INTS3: variants seen among roughly 807,000 people sequenced by gnomAD.
INTS3 encodes the protein integrator complex subunit 3.
Under a neutral mutation model 146.3 loss-of-function variants are expected in INTS3, and 34 were observed. The observed-to-expected ratio is 0.23, with a 90% CI of 0.18 to 0.31. The LOEUF (loss-of-function observed/expected upper bound fraction) is 0.31. Among genes scored for constraint, INTS3 ranks in the 10% least tolerant of loss-of-function variants. INTS3 has a pLI of 1.00. For missense variants in INTS3, 757 were observed against 1,304.2 expected (o/e 0.58, Z 6.46); for synonymous variants, 475 against 494.9 (o/e 0.96, Z 0.53).
At chr1:153,731,033 A>G (rs747247073) in intron 1 of INTS3, among the ~76,000 whole-genome samples, 1 of 152,000 alleles carries the variant, frequency 6.6e-6, no homozygotes, top group Non-Finnish European at 1.5e-5. Context: ...AGACCTACCT[A>G]TTGCCCAGGA....
intron 20 of INTS3, among the ~76,000 whole-genome samples, chr1:153,766,115 C>CTTTTTTTTTTT (rs542483679): frequency 1.4e-4 from 12 of 84,630 alleles, no homozygotes; most frequent in Non-Finnish European, 1.9e-4. Flanking sequence ...TTTTCTTTCT[C>CTTTTTTTTTTT]TTTTTTTTTT....
In INTS3 at chr1:153,751,012, T is replaced by C; in HGVS notation, c.585-83T>C. On this transcript the variant is annotated intron_variant, in intron 6 of 29. Transcript: ENST00000318967. The stretch of plus-strand genomic sequence containing the variant: ...AAATCATCAATTATTTCTGAGGCAC[T>C]GTAGCCAAGCCCAAGAAGCGTGAAT... 4.2e-6 allele frequency: 6 copies of C among 1,426,428 alleles called. No individual in the cohort carries two copies. In the South Asian group the frequency reaches 5.3e-5, roughly 13 times the overall value. The allele number at this position is 1,426,428 out of a possible 1,614,324, so 88.4% of individuals were successfully genotyped here.
Position 153,764,045 on chromosome 1 carries a change from C to G in INTS3, c.1822-73C>G, listed in dbSNP as rs200676272. On this transcript the variant is annotated intron_variant, in intron 17 of 29. Transcript: ENST00000318967. ...CCTGGAGGTGGAAGCAGATGAGTTC[C>G]AAGACTGGGATCGTGGGGGCAGGAG... 204 of 1,379,616 alleles carry G rather than the reference C, an allele frequency of 1.5e-4. 3 individuals carry two copies. The East Asian group carries it at 4.4e-3, about 30-fold the overall frequency. The allele number at this position is 1,379,616 out of a possible 1,614,324, so 85.5% of individuals were successfully genotyped here.
Position 153,728,668 on chromosome 1 carries a change from G to A in INTS3, c.34G>A (p.Ala12Thr). ...ELQKGKGAAA[A>T]AAASGAAGGG... ...GCAGAAGGGAAAAGGGGCGGCAGCA[G>A]CAGCAGCTGCTTCGGGAGCAGCGGG... Residue 12 changes from alanine (A) to threonine (T), a missense_variant, in exon 1 of 30, where the codon GCA becomes ACA. This residue lies in a region of INTS3 where 160 missense variants were observed against 193.7 expected (regional missense o/e 0.83). Transcript: ENST00000318967. 6.2e-7 allele frequency: 1 copy of A among 1,605,642 alleles called. No homozygotes were observed. The highest frequency in any genetic ancestry group is 8.5e-7 in the Non-Finnish European group (1 of 1,177,420).
intron 1 of INTS3, among the ~76,000 whole-genome samples, chr1:153,729,620 C>T (rs1255143767): frequency 1.3e-5 from 2 of 152,170 alleles, no homozygotes; most frequent in African/African-American, 2.4e-5. Flanking sequence ...GTAATCCCAG[C>T]ACTTTGAGAG....
chr1:153,748,043 G>A (rs1405797448), intron 5 of INTS3: 4 of 156,362 alleles, frequency 2.6e-5, no homozygotes, highest in African/African-American at 9.6e-5. Flanking sequence ...CTTAATCTAT[G>A]TGATATGTGA....
At chr1:153,742,586 C>CT (rs1316214205) in intron 3 of INTS3, among the ~76,000 whole-genome samples, 8 of 151,864 alleles carry the variant, frequency 5.3e-5, no homozygotes, top group African/African-American at 1.9e-4. Flanking sequence ...GCAAATTAGT[C>CT]TTGCCTGCTG....
chr1:153,746,920 C>A, intron 3 of INTS3, 37 bp from the exon 4 acceptor site: 1 of 1,444,162 alleles, frequency 6.9e-7, no homozygotes, highest in Non-Finnish European at 9.7e-7. Context: ...ACCTTATCCT[C>A]AGCTTGCTGG....
rs557448922 is a variant in INTS3, at chr1:153,732,193, G to A, written c.150+3409G>A. On this transcript the variant is annotated intron_variant, in intron 1 of 29. Coordinates refer to ENST00000318967, the MANE Select transcript of INTS3 (RefSeq NM_023015.5). The stretch of plus-strand genomic sequence containing the variant: ...GCTGGGATTACAGGCATGAGCCACC[G>A]AGCCTGGCCAGAGCTTCCTCTTAAG... 5.3e-5 allele frequency among the ~76,000 whole-genome samples: 8 copies of A among 152,168 alleles called. No individual in the cohort carries two copies. The South Asian group carries it at 1.0e-3, about 20-fold the overall frequency.
chr1:153,740,930 C>T (rs192305986), intron 2 of INTS3, among the ~76,000 whole-genome samples, 196 bp downstream of exon 2: 1 of 152,160 alleles, frequency 6.6e-6, no homozygotes, highest in African/African-American at 2.4e-5. Flanking sequence ...TCTTTCAGTA[C>T]AGCTTTTTAT....
At position 153,770,217 on chromosome 1, in the gene INTS3, G is replaced by C; in HGVS notation, c.2409G>C (p.Glu803Asp). 6.2e-7 allele frequency: 1 copy of C among 1,611,052 alleles called. No homozygotes were observed. The highest frequency in any genetic ancestry group is 8.5e-7 in the Non-Finnish European group (1 of 1,177,630). Reference protein sequence around the residue: ...LNILIQSLDWETFEQYCAWQL... With the variant: ...LNILIQSLDWDTFEQYCAWQL... Reference sequence around the variant, plus strand: ...TTCCAGTTCAGAGCCTAGACTGGGAGACCTTTGAGCAGTATTGTGCCTGGC... The same window carrying C: ...TTCCAGTTCAGAGCCTAGACTGGGACACCTTTGAGCAGTATTGTGCCTGGC... Residue 803 changes from glutamate to aspartate, a missense_variant, in exon 24 of 30, where the codon GAG becomes GAC. Glu to Asp is a conservative substitution (Grantham distance 45). Around this residue, in one of 8 missense-constraint regions of INTS3, gnomAD observed 116 missense variants for 226.5 expected, o/e 0.51. Coordinates refer to ENST00000318967, the MANE Select transcript of INTS3 (RefSeq NM_023015.5).
intron 1 of INTS3, among the ~76,000 whole-genome samples, chr1:153,731,933 A>G (rs1479289456): frequency 3.1e-5 from 3 of 96,612 alleles, no homozygotes; most frequent in Non-Finnish European, 5.7e-5. Flanking sequence ...TTTGAGACAG[A>G]GTCTCCCTCT....
In INTS3 at chr1:153,772,262, G is replaced by T. The variant is rs953804299; in HGVS notation, c.2721-78G>T. 8 of 1,506,570 alleles carry T rather than the reference G, an allele frequency of 5.3e-6. No homozygotes were observed. In the Admixed American group the frequency reaches 8.8e-5, roughly 17 times the overall value. 93.3% of individuals were successfully genotyped at this position (1,506,570 alleles called of 1,614,324 possible). On this transcript the variant is annotated intron_variant, in intron 26 of 29. Coordinates refer to ENST00000318967, the MANE Select transcript of INTS3 (RefSeq NM_023015.5). The surrounding 1 kb of genome is among the most constrained non-coding windows in gnomAD (Gnocchi z 4.6). Reference sequence around the variant, plus strand: ...ATGTAGGCTGCCTCTGTCTTAAGGGGGCCCTGGCGGGTGGAGGGTGTCTCG... The same window carrying T: ...ATGTAGGCTGCCTCTGTCTTAAGGGTGCCCTGGCGGGTGGAGGGTGTCTCG...
Position 153,740,690 on chromosome 1 carries a change from GC to G in INTS3, c.191del (p.Ala64ValfsTer48). On this transcript the variant is annotated frameshift_variant, in exon 2 of 30. Coordinates refer to ENST00000318967, the MANE Select transcript of INTS3 (RefSeq NM_023015.5). LOFTEE classifies it high-confidence loss of function. ...TATGAGCATTGTGACATCGATGACT[GC>G]TGGTGTCTCGGAGAGAGAAGCCAAT... Reference protein sequence around the residue: ...RCMSIVTSMTAGVSEREANDA... With the variant: ...RCMSIVTSMTXGVSEREANDA... The G allele has an allele frequency of 6.2e-7, 1 of 1,614,110 alleles. No individual in the cohort carries two copies. Among genetic ancestry groups the G allele is most frequent in the Non-Finnish European group, 8.5e-7 (1 of 1,180,000 alleles).
chr1:153,736,761 CTTTT>C (rs5777880), intron 1 of INTS3, among the ~76,000 whole-genome samples: 1 of 94,060 alleles, frequency 1.1e-5, no homozygotes, highest in Admixed American at 1.3e-4. Flanking sequence ...GTCTTTCATT[CTTTT>C]TTTTTTTTTT....
Position 153,764,134 on chromosome 1 carries a change from A to G in INTS3, c.1838A>G (p.Glu613Gly), listed in dbSNP as rs750377336. 1 of 1,613,882 alleles carries G rather than the reference A, an allele frequency of 6.2e-7. No homozygotes were observed. The highest frequency in any genetic ancestry group is 8.5e-7 in the Non-Finnish European group (1 of 1,179,870). Reference protein sequence around the residue: ...DQVLEEDFDSEQLSVLASCLQ... With the variant: ...DQVLEEDFDSGQLSVLASCLQ... ...ATCACCCAGGAAGACTTTGACTCGG[A>G]GCAGCTGTCTGTCCTTGCTTCCTGC... is the stretch of plus-strand genomic sequence containing the variant. The change falls in exon 18 of 30, where the codon GAG becomes GGG. Residue 613 changes from glutamate to glycine, a missense_variant. This residue lies in a region of INTS3 where 89 missense variants were observed against 210.9 expected (regional missense o/e 0.42). Transcript: ENST00000318967.
Position 153,763,365 on chromosome 1 carries a change from G to T in INTS3, c.1766+3G>T. ...GTACTCCAGCTACAGAAGGGGAGGT[G>T]GGTACAGACCTTGTTCTCAACTTCA... On this transcript the variant is annotated splice_donor_region_variant and intron_variant, in intron 16 of 29. Coordinates refer to ENST00000318967, the MANE Select transcript of INTS3 (RefSeq NM_023015.5). The T allele has an allele frequency of 6.2e-7, 1 of 1,613,850 alleles. No homozygotes were observed. The highest frequency in any genetic ancestry group is 8.5e-7 in the Non-Finnish European group (1 of 1,180,004).
At chr1:153,764,793 C>A in intron 19 of INTS3, 59 bp downstream of exon 19, 1 of 1,484,880 alleles carries the variant, frequency 6.7e-7, no homozygotes, top group South Asian at 1.1e-5. Context: ...ACAGCACACA[C>A]ATGTGCTCCT....
chr1:153,764,664 T>C, intron 18 of INTS3, 26 bp from the exon 19 acceptor site: 1 of 1,578,564 alleles, frequency 6.3e-7, no homozygotes, highest in Non-Finnish European at 8.7e-7. Context: ...TCACATGGAT[T>C]CTCAAATATA....
Sources: gnomAD v4.1 joint callset for allele counts (sites outside exome capture counted in the v4.1 genomes callset) on GRCh38, gnomAD v4.1.1 for gene constraint, gnomAD v4.1.1 regional missense constraint, Gnocchi (gnomAD v3.1) non-coding constraint, MANE v1.5 for transcripts, NCBI Gene and HGNC (gene_info 2026-07-23, HGNC 2026-07-21) for gene names.